The following PIAS2 variants were observed in gnomAD, a reference collection of about 807,000 sequenced individuals.
PIAS2 encodes the protein protein inhibitor of activated STAT 2.
A neutral mutation model predicts 69.7 loss-of-function variants in PIAS2; 19 were observed. The observed-to-expected ratio is 0.27, with a 90% CI of 0.19 to 0.40. The LOEUF (loss-of-function observed/expected upper bound fraction) is 0.40. Among genes scored for constraint, PIAS2 ranks in the 10% least tolerant of loss-of-function variants. PIAS2 has a pLI of 1.00. For synonymous variants in PIAS2, 261 were observed against 263.2 expected, an observed-to-expected ratio of 0.99 and a Z score of 0.08; for missense variants, 624 against 757.0, an observed-to-expected ratio of 0.82 and a Z score of 2.06.
intron 5 of PIAS2, chr18:46,853,655 G>T: frequency 6.5e-6 from 1 of 152,748 alleles, no homozygotes; most frequent in Non-Finnish European, 1.5e-5. Context: ...CAGGTGTGGT[G>T]GCAGGCACCT....
At position 46,890,862 on chromosome 18, in the gene PIAS2, A is replaced by G. The variant is rs1381793506; in HGVS notation, c.217T>C (p.Ser73Pro). 36 of 1,614,126 alleles carry G rather than the reference A, an allele frequency of 2.2e-5. No homozygotes were observed. The highest frequency in any genetic ancestry group is 2.7e-5 in the Non-Finnish European group (32 of 1,180,052). The change falls in exon 2 of 14, where the codon TCT becomes CCT. Residue 73 changes from serine to proline, a missense_variant. Around this residue, in one of 3 missense-constraint regions of PIAS2, gnomAD observed 339 missense variants for 408.8 expected, o/e 0.83. Coordinates refer to ENST00000585916, the MANE Select transcript of PIAS2 (RefSeq NM_004671.5). Reference sequence around the variant, plus strand: ...GATGATTTGATTGTGGATAAATCAGAAAGTCCTTCAAGAGTTCGTGGATAT... The same window carrying G: ...GATGATTTGATTGTGGATAAATCAGGAAGTCCTTCAAGAGTTCGTGGATAT... ...RRYPRTLEGL[S>P]DLSTIKSSVF...
At chr18:46,842,620 A>G (rs1371785829) in intron 8 of PIAS2, among the ~76,000 whole-genome samples, 1 of 152,224 alleles carries the variant, frequency 6.6e-6, no homozygotes, top group African/African-American at 2.4e-5. Flanking sequence ...ACCAACAAAA[A>G]GGCAATTTCA....
intron 7 of PIAS2, among the ~76,000 whole-genome samples, 168 bp downstream of exon 7, chr18:46,844,566 T>C (rs2045896670): frequency 6.6e-6 from 1 of 152,146 alleles, no homozygotes; most frequent in Non-Finnish European, 1.5e-5. Context: ...TATGTGGTAA[T>C]GTGTCTACAA....
In PIAS2 at chr18:46,812,376, G is replaced by T; in HGVS notation, c.*57C>A. On this transcript the variant is annotated 3_prime_UTR_variant, in exon 14 of 14. Transcript: ENST00000585916. ...AAAAAAAGAACGTTTCCACAGACTA[G>T]AGATCCAAGAAAAAGCAGTTCTGAT... The T allele has an allele frequency of 8.3e-6, 8 of 960,682 alleles. No homozygotes were observed. Among genetic ancestry groups the T allele is most frequent in the Non-Finnish European group, 1.3e-5 (8 of 639,440 alleles). The allele number at this position is 960,682 out of a possible 1,614,324, so 59.5% of individuals were successfully genotyped here.
chr18:46,875,563 C>A (rs190077109), intron 2 of PIAS2, among the ~76,000 whole-genome samples: 1 of 152,218 alleles, frequency 6.6e-6, no homozygotes, highest in African/African-American at 2.4e-5. Context: ...AAATCCAGAC[C>A]CAGAGTCCGG....
intron 5 of PIAS2, among the ~76,000 whole-genome samples, chr18:46,854,879 T>G (rs532488839): frequency 6.6e-6 from 1 of 152,208 alleles, no homozygotes; most frequent in South Asian, 2.1e-4. Context: ...CATGCTGTCC[T>G]ATACATGAAA....
At position 46,812,148 on chromosome 18, in the gene PIAS2, C is replaced by A; in HGVS notation, c.*285G>T. Reference sequence around the variant, plus strand: ...AAAACTTTTTTCACTGATTTGTAGACTCCATCCATTAACGTATGAAAGTGA... The same window carrying A: ...AAAACTTTTTTCACTGATTTGTAGAATCCATCCATTAACGTATGAAAGTGA... On this transcript the variant is annotated 3_prime_UTR_variant, in exon 14 of 14. Transcript: ENST00000585916. The A allele has an allele frequency of 4.2e-6, 1 of 240,820 alleles. No homozygotes were observed. Among genetic ancestry groups the A allele is most frequent in the Non-Finnish European group, 8.0e-6 (1 of 125,574 alleles). 14.9% of individuals were successfully genotyped at this position (240,820 alleles called of 1,614,324 possible). A position where few individuals can be genotyped will look rare whatever the true frequency, so the allele number is the denominator to read the frequency against.
At chr18:46,872,092 C>T (rs1490208388) in intron 2 of PIAS2, among the ~76,000 whole-genome samples, 2 of 152,192 alleles carry the variant, frequency 1.3e-5, no homozygotes, top group East Asian at 3.8e-4. Context: ...AGTCGAAGGT[C>T]TCATTCAAGA....
At chr18:46,844,922 C>T in intron 6 of PIAS2, 83 bp from the exon 7 acceptor site, 1 of 533,370 alleles carries the variant, frequency 1.9e-6, no homozygotes, top group Non-Finnish European at 3.1e-6. Flanking sequence ...TTAAGAAACT[C>T]TGGTTTCTAA....
chr18:46,847,992 T>C (rs1599687862), intron 5 of PIAS2, among the ~76,000 whole-genome samples: 3 of 152,200 alleles, frequency 2.0e-5, no homozygotes, highest in Admixed American at 1.3e-4. Flanking sequence ...TTTAATTATG[T>C]ACTATTGAGA....
At chr18:46,827,508 T>C (rs536103080) in intron 11 of PIAS2, 1 of 153,138 alleles carries the variant, frequency 6.5e-6, no homozygotes, top group East Asian at 1.9e-4. Context: ...TCCTGTAATA[T>C]AGGCGTTATT....
intron 12 of PIAS2, chr18:46,816,201 A>C (rs1599278278): frequency 1.0e-6 from 1 of 985,358 alleles, no homozygotes; most frequent in African/African-American, 1.7e-5. Context: ...TTATGCTGGC[A>C]TTCAGAGACA....
At chr18:46,914,608 C>G (rs1398521796) in intron 1 of PIAS2, among the ~76,000 whole-genome samples, 2 of 148,944 alleles carry the variant, frequency 1.3e-5, no homozygotes, top group Non-Finnish European at 3.0e-5. Context: ...GCAAAGGCAC[C>G]AGGGTCACCA....
intron 8 of PIAS2, among the ~76,000 whole-genome samples, chr18:46,843,379 A>C (rs2045704306): frequency 6.6e-6 from 1 of 152,216 alleles, no homozygotes; most frequent in Admixed American, 6.5e-5. Context: ...CTTAACCGGA[A>C]AGGGTTCCCC....
At chr18:46,842,963 AAG>A (rs1313746583) in intron 8 of PIAS2, among the ~76,000 whole-genome samples, 8 of 152,246 alleles carry the variant, frequency 5.3e-5, no homozygotes, top group Non-Finnish European at 1.0e-4. Context: ...ACTTCAAAAA[AAG>A]ATCTGCAAAT....
upstream of PIAS2, among the ~76,000 whole-genome samples, chr18:46,918,889 TG>T (rs991344753): frequency 4.6e-5 from 7 of 152,124 alleles, no homozygotes; most frequent in South Asian, 6.2e-4. Flanking sequence ...CAAATTCCCC[TG>T]TTATGACCTC....
chr18:46,906,503 T>C (rs2056613833), intron 1 of PIAS2, among the ~76,000 whole-genome samples: 1 of 152,202 alleles, frequency 6.6e-6, no homozygotes, highest in Non-Finnish European at 1.5e-5. Flanking sequence ...ACTGTACTTC[T>C]GTGCACCAGC....
At chr18:46,912,152 A>G (rs760030595) in intron 1 of PIAS2, among the ~76,000 whole-genome samples, 3 of 152,180 alleles carry the variant, frequency 2.0e-5, no homozygotes, top group South Asian at 2.1e-4. Flanking sequence ...GATCGGTGTT[A>G]TATCTTTTTC....
At chr18:46,891,449 G>C (rs564260487) in intron 1 of PIAS2, among the ~76,000 whole-genome samples, 1 of 151,844 alleles carries the variant, frequency 6.6e-6, no homozygotes, top group South Asian at 2.1e-4. Context: ...CAGAATTATC[G>C]CCAATTAACC....
Sources: gnomAD v4.1 joint callset for allele counts (sites outside exome capture counted in the v4.1 genomes callset) on GRCh38, gnomAD v4.1.1 for gene constraint, gnomAD v4.1.1 regional missense constraint, MANE v1.5 for transcripts, NCBI Gene and HGNC (gene_info 2026-07-23, HGNC 2026-07-21) for gene names.